ITPRIP: variants seen among roughly 807,000 people sequenced by gnomAD.
ITPRIP encodes the protein inositol 1,4,5-trisphosphate receptor interacting protein.
ITPRIP carries 32 observed loss-of-function variants against 35.8 expected under a neutral mutation model. That is an observed-to-expected ratio of 0.89 (90% CI 0.68 to 1.20). The LOEUF (loss-of-function observed/expected upper bound fraction) is 1.20. ITPRIP is among the 50% of genes most tolerant of loss of function. The pLI is 0.00. For synonymous variants in ITPRIP, 358 were observed against 324.0 expected (o/e 1.11, Z -1.13); for missense variants, 653 against 735.6 (o/e 0.89, Z 1.30).
At chr10:104,316,179 A>C in intron 1 of ITPRIP, 115 bp from the exon 2 acceptor site, 2 of 886,944 alleles carry the variant, frequency 2.3e-6, no homozygotes, top group South Asian at 1.9e-5. Context: ...TCTCCCACCC[A>C]ACCCATCGAG....
rs116677178 is a variant in ITPRIP, at chr10:104,311,938, C to G, written c.*2470G>C. On this transcript the variant is annotated 3_prime_UTR_variant, in exon 2 of 2. Transcript: ENST00000337478. ...TTCAAAGGCCCTTTCTGGAGCCCTG[C>G]GGGCAGCACACAAGTTGCCTCAAAG... 1 of 152,198 alleles carries G rather than the reference C, an allele frequency of 6.6e-6. No homozygotes were observed. Among genetic ancestry groups the G allele is most frequent in the African/African-American group, 2.4e-5 (1 of 41,444 alleles). The allele number at this position is 152,198 out of a possible 1,614,324, so 9.4% of individuals were successfully genotyped here. A position where few individuals can be genotyped will look rare whatever the true frequency, so the allele number is the denominator to read the frequency against.
At chr10:104,321,488 G>A (rs147944114) in intron 1 of ITPRIP, among the ~76,000 whole-genome samples, 4,000 of 152,256 alleles carry the variant, frequency 0.026, 51 homozygotes, top group Middle Eastern at 0.041. Flanking sequence ...GAGGCTGGCC[G>A]GAAGCCAAGA....
intron 1 of ITPRIP, among the ~76,000 whole-genome samples, chr10:104,317,513 C>T (rs1428088468): frequency 2.0e-5 from 3 of 152,204 alleles, no homozygotes; most frequent in Non-Finnish European, 4.4e-5. Flanking sequence ...TACACCCTCT[C>T]CTCTCCTCAG....
At chr10:104,334,696 T>C (rs559721741) in intron 1 of ITPRIP, among the ~76,000 whole-genome samples, 1 of 152,332 alleles carries the variant, frequency 6.6e-6, no homozygotes, top group African/African-American at 2.4e-5. Context: ...ACCTGGCAGC[T>C]ATCTTTCTGC....
At position 104,313,765 on chromosome 10, in the gene ITPRIP, A is replaced by G. The variant is rs1479014185; in HGVS notation, c.*643T>C. The G allele has an allele frequency of 1.0e-6, 1 of 985,408 alleles. No individual in the cohort carries two copies. Among genetic ancestry groups the G allele is most frequent in the Non-Finnish European group, 1.2e-6 (1 of 830,024 alleles). The allele number at this position is 985,408 out of a possible 1,614,324, so 61.0% of individuals were successfully genotyped here. ...AAAAAGTGGCTAATTGTGTTTCTCT[A>G]TGCCACCAAGTACCCATTTCCGTGT... On this transcript the variant is annotated 3_prime_UTR_variant, in exon 2 of 2. Coordinates refer to ENST00000337478, the MANE Select transcript of ITPRIP (RefSeq NM_001272013.2).
In ITPRIP at chr10:104,326,731, G is replaced by T. The variant is rs2014023744; in HGVS notation, c.-13-10667C>A. On this transcript the variant is annotated intron_variant, in intron 1 of 1. Transcript: ENST00000337478. The surrounding 1 kb of genome is among the most constrained non-coding windows in gnomAD (Gnocchi z 4.8). ...TCTTTGCAGATGTGATTAAATTAAA[G>T]AACTTGAGATGAGATCATCCTGGAT... 6.6e-6 allele frequency: 1 copy of T among 152,202 alleles called. No homozygotes were observed. Among genetic ancestry groups the T allele is most frequent in the African/African-American group, 2.4e-5 (1 of 41,446 alleles). 9.4% of individuals were successfully genotyped at this position (152,202 alleles called of 1,614,324 possible).
rs201198188 is a variant in ITPRIP, at chr10:104,315,415, G to A, written c.637C>T (p.Pro213Ser). The part of the protein sequence containing the change: ...DRPLLCHLFV[P>S]FTPPEPYRFH... ...CGGTAGGGCTCGGGGGGTGTGAAGG[G>A]CACGAAAAGGTGGCACAGCAGTGGC... The change falls in exon 2 of 2, where the codon CCC (proline) becomes TCC (serine). Residue 213 changes from proline to serine, a missense_variant. Transcript: ENST00000337478. The surrounding 1 kb of genome is among the most constrained non-coding windows in gnomAD (Gnocchi z 5.7). The A allele has an allele frequency of 6.0e-5, 95 of 1,589,520 alleles. No homozygotes were observed. In the East Asian group the frequency reaches 2.1e-3, roughly 35 times the overall value.
chr10:104,312,635 G>C lies in ITPRIP; in HGVS notation c.*1773C>G, dbSNP rs551712899. 1.0e-5 allele frequency: 10 copies of C among 985,428 alleles called. No individual in the cohort carries two copies. In the Admixed American group the frequency reaches 3.7e-4, roughly 36 times the overall value. The allele number at this position is 985,428 out of a possible 1,614,324, so 61.0% of individuals were successfully genotyped here. On this transcript the variant is annotated 3_prime_UTR_variant, in exon 2 of 2. Coordinates refer to ENST00000337478, the MANE Select transcript of ITPRIP (RefSeq NM_001272013.2). Reference sequence around the variant, plus strand: ...CAAGCACATGTTCAGTCTAATTCCAGCTCACACTGGAAGGCTTCCTATAGG... The same window carrying C: ...CAAGCACATGTTCAGTCTAATTCCACCTCACACTGGAAGGCTTCCTATAGG...
chr10:104,321,286 G>T (rs1017882024), intron 1 of ITPRIP, among the ~76,000 whole-genome samples: 3 of 152,174 alleles, frequency 2.0e-5, no homozygotes, highest in African/African-American at 7.2e-5. Context: ...CAGGAAGCCT[G>T]CTGAATTCCT....
chr10:104,317,627 T>C (rs1275644587), intron 1 of ITPRIP, among the ~76,000 whole-genome samples: 1 of 152,200 alleles, frequency 6.6e-6, no homozygotes, highest in Non-Finnish European at 1.5e-5. Flanking sequence ...GCAAATCAGT[T>C]GAGGTCCTGA....
Position 104,315,154 on chromosome 10 carries a change from C to A in ITPRIP, c.898G>T (p.Val300Phe). Reference protein sequence around the residue: ...TDSLYLDTMQVMKWFQTALTR... With the variant: ...TDSLYLDTMQFMKWFQTALTR... ...AGGGCCGTCTGGAACCACTTCATGA[C>A]CTGCATCGTGTCCAGGTACAGGGAA... is the stretch of plus-strand genomic sequence containing the variant. Residue 300 changes from valine (V) to phenylalanine (F), a missense_variant, in exon 2 of 2, where the codon GTC (valine) becomes TTC (phenylalanine). Val to Phe is a conservative substitution (Grantham distance 50, BLOSUM62 -1). Coordinates refer to ENST00000337478, the MANE Select transcript of ITPRIP (RefSeq NM_001272013.2). The surrounding 1 kb of genome is among the most constrained non-coding windows in gnomAD (Gnocchi z 5.7). 11 of 1,614,140 alleles carry A rather than the reference C, an allele frequency of 6.8e-6. No homozygotes were observed. Among genetic ancestry groups the A allele is most frequent in the Non-Finnish European group, 9.3e-6 (11 of 1,179,980 alleles).
chr10:104,332,151 C>T (rs768358644), intron 1 of ITPRIP, among the ~76,000 whole-genome samples: 27 of 152,166 alleles, frequency 1.8e-4, no homozygotes, highest in Non-Finnish European at 2.1e-4. Context: ...CCTTGAAGGG[C>T]CATTGTGAGG....
At chr10:104,322,266 T>C (rs1018241929) in intron 1 of ITPRIP, among the ~76,000 whole-genome samples, 8 of 152,162 alleles carry the variant, frequency 5.3e-5, no homozygotes, top group African/African-American at 1.9e-4. Context: ...GGAGCATGTG[T>C]CCGGCCCCAC....
In ITPRIP at chr10:104,315,060, G is replaced by A. The variant is rs749190933; in HGVS notation, c.992C>T (p.Pro331Leu). The change falls in exon 2 of 2, where the codon CCG (proline) becomes CTG (leucine). Residue 331 changes from proline (P) to leucine (L), a missense_variant. Transcript: ENST00000337478. The surrounding 1 kb of genome is among the most constrained non-coding windows in gnomAD (Gnocchi z 5.7). ...FDLAFGQLDS[P>L]GSLKIKFRSG... is the part of the protein sequence containing the mutation. Reference sequence around the variant, plus strand: ...ACGGAACTTGATCTTCAGGGACCCCGGGCTGTCCAGCTGGCCAAAGGCCAG... The same window carrying A: ...ACGGAACTTGATCTTCAGGGACCCCAGGCTGTCCAGCTGGCCAAAGGCCAG... 23 of 1,614,040 alleles carry A rather than the reference G, an allele frequency of 1.4e-5. No homozygotes were observed. The highest frequency in any genetic ancestry group is 3.3e-5 in the South Asian group (3 of 91,090).
rs1442754276 is a variant in ITPRIP at position 104,333,112 on chromosome 10, C to T, written c.-14+5134G>A. 6.6e-6 allele frequency among the ~76,000 whole-genome samples: 1 copy of T among 152,162 alleles called. No homozygotes were observed. Among genetic ancestry groups the T allele is most frequent in the Non-Finnish European group, 1.5e-5 (1 of 68,020 alleles). On this transcript the variant is annotated intron_variant, in intron 1 of 1. Transcript: ENST00000337478. This position sits in a 1 kb window ranked among gnomAD's most constrained non-coding sequence, Gnocchi z 4.1. ...TGGCCCCATCACTGCTCCAGCCTGC[C>T]CTTCCCCTAACCCTCCTTACAGATC...
intron 1 of ITPRIP, among the ~76,000 whole-genome samples, chr10:104,335,677 C>T (rs937869765): frequency 2.6e-5 from 4 of 152,178 alleles, no homozygotes; most frequent in African/African-American, 4.8e-5. Flanking sequence ...TGGGTATTTC[C>T]TCCTTTGACA....
chr10:104,313,604 TG>T lies in ITPRIP; in HGVS notation c.*803del, dbSNP rs1255591637. The T allele has an allele frequency of 2.0e-6, 2 of 984,950 alleles. No homozygotes were observed. The highest frequency in any genetic ancestry group is 3.5e-5 in the African/African-American group (2 of 57,038). 61.0% of individuals were successfully genotyped at this position (984,950 alleles called of 1,614,324 possible). On this transcript the variant is annotated 3_prime_UTR_variant, in exon 2 of 2. Transcript: ENST00000337478. ...CAGCTTTGGAGAGAATAAAGAGAGG[TG>T]GGGGGCTGCTGAGCTGGCACCCAGT...
intron 1 of ITPRIP, among the ~76,000 whole-genome samples, chr10:104,322,884 A>G (rs892080406): frequency 1.3e-5 from 2 of 152,146 alleles, no homozygotes; most frequent in Non-Finnish European, 2.9e-5. Context: ...TCCAAGAAAG[A>G]AGGAGCCAAG....
At chr10:104,322,944 C>T (rs903587889) in intron 1 of ITPRIP, among the ~76,000 whole-genome samples, 2 of 152,198 alleles carry the variant, frequency 1.3e-5, no homozygotes, top group Admixed American at 1.3e-4. Flanking sequence ...TGTATCCTGG[C>T]CTTGTGCTGC....
Sources: gnomAD v4.1 joint callset for allele counts (sites outside exome capture counted in the v4.1 genomes callset) on GRCh38, gnomAD v4.1.1 for gene constraint, Gnocchi (gnomAD v3.1) non-coding constraint, MANE v1.5 for transcripts, NCBI Gene and HGNC (gene_info 2026-07-23, HGNC 2026-07-21) for gene names.